GRM1: variants seen among roughly 807,000 people sequenced by gnomAD.
GRM1 encodes the protein glutamate metabotropic receptor 1.
In GRM1, 33 loss-of-function variants were observed where a neutral mutation model predicts 90.9. That is an observed-to-expected ratio of 0.36 (90% confidence interval 0.28 to 0.49). The LOEUF is 0.49. GRM1 is among the 20% of genes least tolerant of loss of function. GRM1 has a pLI of 0.99. For synonymous variants in GRM1, 700 were observed against 613.2 expected, an observed-to-expected ratio of 1.14 and a Z score of -2.09; for missense variants, 1,190 against 1,534.3, an observed-to-expected ratio of 0.78 and a Z score of 3.75.
chr6:146,335,729 G>C (rs927996495), intron 3 of GRM1, among the ~76,000 whole-genome samples: 9 of 152,020 alleles, frequency 5.9e-5, no homozygotes, highest in African/African-American at 1.9e-4. Flanking sequence ...CATTTTAACA[G>C]ATACATTAAA....
intron 5 of GRM1, among the ~76,000 whole-genome samples, chr6:146,379,169 C>A (rs1403948350): frequency 1.3e-5 from 2 of 152,022 alleles, no homozygotes; most frequent in Non-Finnish European, 2.9e-5. Context: ...ACTTTCAAAC[C>A]CTATCTCTTT....
At chr6:146,413,200 G>A (rs533996954) in intron 7 of GRM1, among the ~76,000 whole-genome samples, 1 of 152,170 alleles carries the variant, frequency 6.6e-6, no homozygotes, top group African/African-American at 2.4e-5. Context: ...TCAATATGTT[G>A]TTCCAGTTAC....
chr6:146,205,033 A>G (rs1262277710), intron 2 of GRM1, among the ~76,000 whole-genome samples: 1 of 152,234 alleles, frequency 6.6e-6, no homozygotes, highest in Admixed American at 6.5e-5. Flanking sequence ...ATGAAAATGC[A>G]TGCATCAAAA....
chr6:146,256,064 A>G (rs1404521774), intron 2 of GRM1, among the ~76,000 whole-genome samples: 1 of 152,162 alleles, frequency 6.6e-6, no homozygotes, highest in Admixed American at 6.5e-5. Flanking sequence ...GGGGCGAGAT[A>G]CACTTACATC....
chr6:146,054,231 G>A (rs1775403440), intron 1 of GRM1, among the ~76,000 whole-genome samples: 1 of 152,010 alleles, frequency 6.6e-6, no homozygotes, highest in Admixed American at 6.6e-5. Context: ...TCACATGAAA[G>A]TATCAGCTTT....
At chr6:146,034,632 C>T (rs560467168) in intron 1 of GRM1, among the ~76,000 whole-genome samples, 5 of 151,930 alleles carry the variant, frequency 3.3e-5, no homozygotes, top group African/African-American at 1.2e-4. Flanking sequence ...CTTTGTGTCT[C>T]CAGGATTTAA....
chr6:146,325,809 T>A (rs1409059597), intron 3 of GRM1, among the ~76,000 whole-genome samples: 1 of 152,248 alleles, frequency 6.6e-6, no homozygotes, highest in African/African-American at 2.4e-5. Context: ...TATAATTTTA[T>A]CTTCTGTGAG....
rs144297987 is a variant in GRM1 at position 146,282,704 on chromosome 6, A to C, written c.951-21907A>C. Reference sequence around the variant, plus strand: ...TCCCTTATTAAGAAAAATATTATTTATTTCTTTCTACAGATGGTCAGAAAA... The same window carrying C: ...TCCCTTATTAAGAAAAATATTATTTCTTTCTTTCTACAGATGGTCAGAAAA... On this transcript the variant is annotated intron_variant, in intron 2 of 7. Transcript: ENST00000282753. Among the ~76,000 whole-genome samples the C allele has an allele frequency of 2.0e-3, 310 of 152,294 alleles. 3 individuals carry two copies. The highest frequency in any genetic ancestry group is 6.6e-3 in the African/African-American group (274 of 41,572).
chr6:146,107,332 A>G (rs1775346559), intron 1 of GRM1, among the ~76,000 whole-genome samples: 1 of 151,766 alleles, frequency 6.6e-6, no homozygotes, highest in South Asian at 2.1e-4. Context: ...TCAATTAAAT[A>G]CATATTTTGT....
rs143510569 is a variant in GRM1 at position 146,128,705 on chromosome 6, A to T, written c.701-30643A>T. On this transcript the variant is annotated intron_variant, in intron 1 of 7. Transcript: ENST00000282753. ...TATTTTAGATTTCAGACACACAATG[A>T]ATGTGTGTCTGGTTGGCTACAAAAT... 2.6e-3 allele frequency among the ~76,000 whole-genome samples: 391 copies of T among 152,318 alleles called. 3 individuals carry two copies. The highest frequency in any genetic ancestry group is 8.6e-3 in the African/African-American group (359 of 41,574).
intron 1 of GRM1, among the ~76,000 whole-genome samples, chr6:146,102,192 C>A (rs959582030): frequency 2.0e-5 from 3 of 152,116 alleles, no homozygotes; most frequent in Non-Finnish European, 1.5e-5. Flanking sequence ...CAATCTGGCT[C>A]CTCACCAGGG....
At chr6:146,215,601 A>G (rs1443833965) in intron 2 of GRM1, among the ~76,000 whole-genome samples, 1 of 151,932 alleles carries the variant, frequency 6.6e-6, no homozygotes, top group Non-Finnish European at 1.5e-5. Flanking sequence ...TATTTTAATA[A>G]TATTTCTGAT....
At chr6:146,182,783 A>G (rs2114551863) in intron 2 of GRM1, among the ~76,000 whole-genome samples, 1 of 152,254 alleles carries the variant, frequency 6.6e-6, no homozygotes, top group South Asian at 2.1e-4. Flanking sequence ...AAGTCAATAA[A>G]ACATTCCACT....
At chr6:146,254,416 G>T (rs1348485621) in intron 2 of GRM1, among the ~76,000 whole-genome samples, 1 of 152,144 alleles carries the variant, frequency 6.6e-6, no homozygotes, top group Non-Finnish European at 1.5e-5. Context: ...AAATTGGGAT[G>T]CTGAGAAGGA....
intron 7 of GRM1, among the ~76,000 whole-genome samples, chr6:146,404,297 G>A (rs1156643717): frequency 6.6e-6 from 1 of 151,906 alleles, no homozygotes; most frequent in Non-Finnish European, 1.5e-5. Context: ...AAGCACTTAG[G>A]TACTTGATAT....
intron 5 of GRM1, among the ~76,000 whole-genome samples, chr6:146,370,354 C>A (rs1317652098): frequency 2.0e-5 from 3 of 152,000 alleles, no homozygotes; most frequent in Admixed American, 6.6e-5. Flanking sequence ...GTGACATTAT[C>A]TGCTTTGTTC....
intron 2 of GRM1, among the ~76,000 whole-genome samples, chr6:146,295,421 C>CG (rs1783141674): frequency 6.7e-6 from 1 of 150,192 alleles, no homozygotes; most frequent in African/African-American, 2.4e-5. Flanking sequence ...TTAGTAGAGA[C>CG]GGGGTTTCAT....
chr6:146,190,960 T>C (rs1452802628), intron 2 of GRM1, among the ~76,000 whole-genome samples: 1 of 152,212 alleles, frequency 6.6e-6, no homozygotes, highest in Admixed American at 6.5e-5. Flanking sequence ...ATTGTATTCA[T>C]AGCTCCTTAA....
chr6:146,030,218 G>A lies in GRM1; in HGVS notation c.700+1G>A. On this transcript the variant is annotated splice_donor_variant, in intron 1 of 7. Coordinates refer to ENST00000282753, the MANE Select transcript of GRM1 (RefSeq NM_001278064.2). LOFTEE classifies it high-confidence loss of function. ...TATGTCTCTGCAGTCCACACGGAAG[G>A]TAGGCATTATATTTGGGAAAGAAGG... The A allele has an allele frequency of 6.2e-7, 1 of 1,600,940 alleles. No homozygotes were observed. Among genetic ancestry groups the A allele is most frequent in the South Asian group, 1.1e-5 (1 of 90,808 alleles).
Sources: gnomAD v4.1 joint callset for allele counts (sites outside exome capture counted in the v4.1 genomes callset) on GRCh38, gnomAD v4.1.1 for gene constraint, MANE v1.5 for transcripts, NCBI Gene and HGNC (gene_info 2026-07-23, HGNC 2026-07-21) for gene names.